ANAPC10: variants seen among roughly 807,000 people sequenced by gnomAD.
The protein encoded by ANAPC10 is anaphase-promoting complex subunit 10.
A neutral mutation model predicts 22.0 loss-of-function variants in ANAPC10; 12 were observed. The observed-to-expected ratio is 0.55, with a 90% CI of 0.35 to 0.88. The LOEUF is 0.88. Among genes scored for constraint, ANAPC10 ranks in the 40% least tolerant of loss-of-function variants. The probability of loss-of-function intolerance (pLI) is 0.01; values close to 1 mark genes in which losing one functional copy is unlikely to be tolerated. For missense variants in ANAPC10, 188 were observed against 220.9 expected (o/e 0.85, Z 0.94); for synonymous variants, 65 against 69.5 (o/e 0.94, Z 0.32).
chr4:145,041,078 T>C (rs926173731), intron 4 of ANAPC10, among the ~76,000 whole-genome samples: 11 of 152,178 alleles, frequency 7.2e-5, no homozygotes, highest in African/African-American at 2.4e-4. Context: ...ACTTTGCTTG[T>C]AGGATCTATG....
chr4:145,069,023 T>G (rs1263200374), intron 3 of ANAPC10, among the ~76,000 whole-genome samples: 1 of 152,172 alleles, frequency 6.6e-6, no homozygotes, highest in East Asian at 1.9e-4. Context: ...TATGAGACCT[T>G]AATGCATAAT....
intron 3 of ANAPC10, among the ~76,000 whole-genome samples, chr4:145,070,359 G>C (rs1744316659): frequency 6.6e-6 from 1 of 152,116 alleles, no homozygotes; most frequent in African/African-American, 2.4e-5. Flanking sequence ...AGAGGGAAGG[G>C]ACTTAAGCAG....
chr4:144,997,947 T>C (rs972923845), intron 4 of ANAPC10, among the ~76,000 whole-genome samples: 10 of 151,990 alleles, frequency 6.6e-5, no homozygotes, highest in Non-Finnish European at 1.3e-4. Context: ...TCTGATAAAA[T>C]AGACTTTAAA....
chr4:145,096,581 G>T (rs181347082), intron 1 of ANAPC10, among the ~76,000 whole-genome samples: 5 of 152,246 alleles, frequency 3.3e-5, no homozygotes, highest in African/African-American at 1.2e-4. Flanking sequence ...TTCACTTGAT[G>T]ATTTTTACTT....
intron 4 of ANAPC10, among the ~76,000 whole-genome samples, chr4:145,043,811 T>C (rs1263082190): frequency 6.6e-6 from 1 of 152,116 alleles, no homozygotes; most frequent in South Asian, 2.1e-4. Flanking sequence ...GGAGGATCCA[T>C]ATTACCTAAA....
In ANAPC10 at chr4:145,078,893, C is replaced by T. The variant is rs1745566003; in HGVS notation, c.206+2767G>A. Reference sequence around the variant, plus strand: ...AAATCAACTCAAGATTTATAAAAGACCTAAATGTAAAACCTACAACTATAA... The same window carrying T: ...AAATCAACTCAAGATTTATAAAAGATCTAAATGTAAAACCTACAACTATAA... On this transcript the variant is annotated intron_variant, in intron 3 of 4. Coordinates refer to ENST00000507656, the MANE Select transcript of ANAPC10 (RefSeq NM_001256706.2). Among the ~76,000 whole-genome samples the T allele has an allele frequency of 2.6e-5, 4 of 152,136 alleles. No individual in the cohort carries two copies. In the South Asian group the frequency reaches 8.3e-4, roughly 32 times the overall value.
At chr4:145,014,759 G>A (rs908107383) in intron 4 of ANAPC10, among the ~76,000 whole-genome samples, 1 of 152,128 alleles carries the variant, frequency 6.6e-6, no homozygotes, top group Non-Finnish European at 1.5e-5. Context: ...TCACATCACA[G>A]GACTCTGTGC....
intron 4 of ANAPC10, among the ~76,000 whole-genome samples, chr4:145,005,461 C>A (rs928441363): frequency 3.3e-5 from 5 of 152,068 alleles, no homozygotes; most frequent in African/African-American, 1.2e-4. Flanking sequence ...CAATTTCCTT[C>A]AGTTCAGCTC....
At chr4:145,095,851 G>A in intron 2 of ANAPC10, 134 bp downstream of exon 2, 1 of 1,087,744 alleles carries the variant, frequency 9.2e-7, no homozygotes, top group Non-Finnish European at 1.4e-6. Context: ...AATATAGAAA[G>A]GGTTCAGTAC....
intron 4 of ANAPC10, among the ~76,000 whole-genome samples, chr4:145,028,914 C>A (rs577386199): frequency 6.6e-6 from 1 of 152,226 alleles, no homozygotes; most frequent in South Asian, 2.1e-4. Flanking sequence ...GGTATTAACC[C>A]CTCAAATCTG....
At chr4:145,004,791 T>C (rs1733102686) in intron 4 of ANAPC10, among the ~76,000 whole-genome samples, 1 of 152,182 alleles carries the variant, frequency 6.6e-6, no homozygotes, top group African/African-American at 2.4e-5. Context: ...ATGAAGGATA[T>C]TGGCCTGAAG....
intron 2 of ANAPC10, among the ~76,000 whole-genome samples, chr4:145,083,311 A>G (rs1270487114): frequency 6.6e-6 from 1 of 152,172 alleles, no homozygotes; most frequent in Non-Finnish European, 1.5e-5. Context: ...CACTGTCTGG[A>G]AATATCATAA....
chr4:145,058,508 G>A (rs1252890788), intron 4 of ANAPC10, among the ~76,000 whole-genome samples: 1 of 152,136 alleles, frequency 6.6e-6, no homozygotes, highest in Non-Finnish European at 1.5e-5. Flanking sequence ...ACTATGAAGT[G>A]CTCAAAGGCA....
intron 3 of ANAPC10, among the ~76,000 whole-genome samples, chr4:145,075,940 G>A (rs986366539): frequency 3.3e-5 from 5 of 152,150 alleles, no homozygotes; most frequent in African/African-American, 9.7e-5. Context: ...ATATAGGGCT[G>A]TCTTACCCAT....
At chr4:144,996,490 C>G (rs1223801337) in intron 4 of ANAPC10, among the ~76,000 whole-genome samples, 1 of 152,122 alleles carries the variant, frequency 6.6e-6, no homozygotes, top group Non-Finnish European at 1.5e-5. Flanking sequence ...AACTGACCAG[C>G]TGCAGGCTGT....
At chr4:145,081,873 T>A (rs912321796) in intron 2 of ANAPC10, 123 bp from the exon 3 acceptor site, 37 of 704,150 alleles carry the variant, frequency 5.3e-5, no homozygotes, top group Non-Finnish European at 7.7e-5. Flanking sequence ...GAAATATTAA[T>A]TTTTTTTTAT....
chr4:145,093,514 G>A (rs535242894), intron 2 of ANAPC10, among the ~76,000 whole-genome samples: 12 of 151,392 alleles, frequency 7.9e-5, no homozygotes, highest in Non-Finnish European at 1.2e-4. Context: ...TGACCCAGTT[G>A]TTGGAACTAC....
intron 4 of ANAPC10, among the ~76,000 whole-genome samples, chr4:145,054,606 T>C (rs1353261110): frequency 5.0e-5 from 1 of 19,876 alleles, no homozygotes; most frequent in African/African-American, 2.6e-4. Context: ...TACTGAATAG[T>C]GTGTGTGTGT....
In ANAPC10 at chr4:145,080,833, G is replaced by C. The variant is rs184171885; in HGVS notation, c.206+827C>G. ...GAGGCAGGAGAATCGCTTGAACCTGGGAGGCGGAGGTTGCAGTAACCCGAG... is the reference window on the plus strand; with the variant it reads ...GAGGCAGGAGAATCGCTTGAACCTGCGAGGCGGAGGTTGCAGTAACCCGAG... On this transcript the variant is annotated intron_variant, in intron 3 of 4. Coordinates refer to ENST00000507656, the MANE Select transcript of ANAPC10 (RefSeq NM_001256706.2). 2.0e-5 allele frequency among the ~76,000 whole-genome samples: 3 copies of C among 151,400 alleles called. No homozygotes were observed. In the East Asian group the frequency reaches 5.8e-4, roughly 29 times the overall value.
Sources: allele counts gnomAD v4.1 joint callset (sites outside exome capture counted in the v4.1 genomes callset), GRCh38; gene constraint gnomAD v4.1.1; transcripts MANE v1.5; gene names NCBI Gene and HGNC (gene_info 2026-07-23, HGNC 2026-07-21).